Variants in KCNAB1 observed in about 807,000 individuals in gnomAD.
KCNAB1 encodes the protein potassium voltage-gated channel subfamily A regulatory beta subunit 1.
KCNAB1 carries 35 observed loss-of-function variants against 64.6 expected under a neutral mutation model. The observed-to-expected ratio is 0.54, with a 90% confidence interval of 0.41 to 0.72. KCNAB1 has a LOEUF of 0.72. KCNAB1 is among the 30% of genes least tolerant of loss of function. The pLI, the probability that KCNAB1 is intolerant of heterozygous loss-of-function variation, is 0.00. For synonymous variants in KCNAB1, 177 were observed against 183.8 expected, an observed-to-expected ratio of 0.96 and a Z score of 0.30; for missense variants, 401 against 512.9, an observed-to-expected ratio of 0.78 and a Z score of 2.11.
chr3:156,462,791 C>G (rs769783243), intron 5 of KCNAB1, among the ~76,000 whole-genome samples: 4 of 152,170 alleles, frequency 2.6e-5, no homozygotes, highest in Non-Finnish European at 4.4e-5. Flanking sequence ...ATGATGTTTT[C>G]TCTAGACCAG....
intron 1 of KCNAB1, among the ~76,000 whole-genome samples, chr3:156,319,978 C>T (rs936016336): frequency 6.6e-6 from 1 of 152,172 alleles, no homozygotes; most frequent in Non-Finnish European, 1.5e-5. Flanking sequence ...TCTCCAACTT[C>T]GTGAGCATCC....
At chr3:156,221,194 ATG>A (rs766769166) in intron 1 of KCNAB1, among the ~76,000 whole-genome samples, 3 of 152,210 alleles carry the variant, frequency 2.0e-5, no homozygotes, top group Non-Finnish European at 4.4e-5. Context: ...TGTCTTGGCT[ATG>A]TGGGCTCACT....
intron 1 of KCNAB1, among the ~76,000 whole-genome samples, chr3:156,216,762 TC>T (rs1288227593): frequency 1.3e-5 from 2 of 152,142 alleles, no homozygotes; most frequent in Non-Finnish European, 2.9e-5. Flanking sequence ...GGTAGTTTTA[TC>T]CCTGCTTGAC....
intron 8 of KCNAB1, among the ~76,000 whole-genome samples, chr3:156,487,719 T>C (rs566336118): frequency 6.6e-6 from 1 of 152,168 alleles, no homozygotes; most frequent in Non-Finnish European, 1.5e-5. Flanking sequence ...TATTCTTCTG[T>C]ATTAAGGGCA....
chr3:156,425,792 A>G (rs756437724), intron 2 of KCNAB1, among the ~76,000 whole-genome samples: 7 of 152,228 alleles, frequency 4.6e-5, no homozygotes, highest in Non-Finnish European at 1.0e-4. Flanking sequence ...CTGATAATGT[A>G]TCTGACAGAT....
intron 1 of KCNAB1, among the ~76,000 whole-genome samples, chr3:156,274,812 C>T (rs1439796324): frequency 2.6e-5 from 4 of 152,118 alleles, no homozygotes; most frequent in Non-Finnish European, 5.9e-5. Flanking sequence ...TCACCACAAC[C>T]AAGGTAATTA....
chr3:156,237,705 T>C (rs1440135795), intron 1 of KCNAB1, among the ~76,000 whole-genome samples: 3 of 152,334 alleles, frequency 2.0e-5, no homozygotes, highest in East Asian at 1.9e-4. Flanking sequence ...TTCTTAACAT[T>C]TGTGCTTCAG....
chr3:156,460,896 T>G (rs894499363), intron 5 of KCNAB1, among the ~76,000 whole-genome samples: 14 of 152,212 alleles, frequency 9.2e-5, no homozygotes, highest in African/African-American at 2.9e-4. Flanking sequence ...CACTCTGAGA[T>G]AAACTTTTGG....
At chr3:156,493,098 T>C (rs1394633922) in intron 8 of KCNAB1, among the ~76,000 whole-genome samples, 1 of 152,148 alleles carries the variant, frequency 6.6e-6, no homozygotes. Flanking sequence ...TGTCAAAGTC[T>C]AGACACAGTC....
chr3:156,120,781 C>A lies in KCNAB1; in HGVS notation c.170C>A (p.Ala57Glu). 1 of 1,614,222 alleles carries A rather than the reference C, an allele frequency of 6.2e-7. No homozygotes were observed. The highest frequency in any genetic ancestry group is 8.5e-7 in the Non-Finnish European group (1 of 1,180,026). Residue 57 changes from alanine (A) to glutamate (E), a missense_variant, in exon 1 of 14, where the codon GCG (alanine) becomes GAG (glutamate). Physicochemically the swap from Ala to Glu is moderately radical, Grantham distance 107. Transcript: ENST00000490337. The part of the protein sequence containing the change: ...LSPSGESQLR[A>E]RQLALLREVE... ...CCCTCAGGGGAAAGCCAGCTCAGGG[C>A]GCGTCAACTGGCTCTGCTGCGCGAA... is the stretch of plus-strand genomic sequence containing the variant.
At chr3:156,118,578 T>A (rs778156203), upstream of KCNAB1, among the ~76,000 whole-genome samples, 1 of 152,204 alleles carries the variant, frequency 6.6e-6, no homozygotes, top group Non-Finnish European at 1.5e-5. Flanking sequence ...TTTTTATAGA[T>A]GAAGAAAATA....
At chr3:156,436,981 T>C (rs1169107139) in intron 2 of KCNAB1, among the ~76,000 whole-genome samples, 2 of 152,248 alleles carry the variant, frequency 1.3e-5, no homozygotes, top group Non-Finnish European at 2.9e-5. Context: ...AGGAAGTCTT[T>C]GCCTGTGCCA....
At chr3:156,257,523 G>A (rs1718166811) in intron 1 of KCNAB1, among the ~76,000 whole-genome samples, 1 of 152,150 alleles carries the variant, frequency 6.6e-6, no homozygotes. Flanking sequence ...CTACTCTGAG[G>A]ACAGCTTCTA....
chr3:156,147,489 A>G (rs550038096), intron 1 of KCNAB1, among the ~76,000 whole-genome samples: 8 of 152,322 alleles, frequency 5.3e-5, no homozygotes, highest in African/African-American at 1.9e-4. Context: ...CATATTGGCC[A>G]CTTTGGGCTA....
chr3:156,394,840 G>T (rs1404414178), intron 1 of KCNAB1, among the ~76,000 whole-genome samples: 2 of 152,140 alleles, frequency 1.3e-5, no homozygotes, highest in African/African-American at 4.8e-5. Context: ...AGTGTTCAAT[G>T]CAAACTTGGA....
chr3:156,482,339 T>C (rs1038528997), intron 8 of KCNAB1, among the ~76,000 whole-genome samples: 4 of 151,954 alleles, frequency 2.6e-5, no homozygotes, highest in Non-Finnish European at 1.5e-5. Flanking sequence ...TTAAGCACTG[T>C]TTTGGGCACT....
chr3:156,280,023 T>G (rs918291883), intron 1 of KCNAB1, among the ~76,000 whole-genome samples: 3 of 149,462 alleles, frequency 2.0e-5, no homozygotes, highest in Non-Finnish European at 4.4e-5. Flanking sequence ...TTTGGTGTTT[T>G]AGACATGAAG....
intron 4 of KCNAB1, among the ~76,000 whole-genome samples, chr3:156,458,246 A>G (rs1298765819): frequency 6.6e-6 from 1 of 152,170 alleles, no homozygotes; most frequent in African/African-American, 2.4e-5. Flanking sequence ...AAACCAGAAC[A>G]CATAGGAAAT....
chr3:156,536,565 T>C (rs1174809316), intron 13 of KCNAB1, 93 bp from the exon 14 acceptor site: 5 of 846,370 alleles, frequency 5.9e-6, no homozygotes, highest in African/African-American at 3.3e-5. Flanking sequence ...TGAAGATATA[T>C]GATTCTAGAT....
Sources: gnomAD v4.1 joint callset for allele counts (sites outside exome capture counted in the v4.1 genomes callset) on GRCh38, gnomAD v4.1.1 for gene constraint, MANE v1.5 for transcripts, NCBI Gene and HGNC (gene_info 2026-07-23, HGNC 2026-07-21) for gene names.